PTPRK: variants seen among roughly 807,000 people sequenced by gnomAD.
The protein encoded by PTPRK is receptor-type tyrosine-protein phosphatase kappa.
A neutral mutation model predicts 178.0 loss-of-function variants in PTPRK; 75 were observed. The observed-to-expected ratio is 0.42, with a 90% CI of 0.35 to 0.51. The LOEUF (loss-of-function observed/expected upper bound fraction) is 0.51, where lower values mean the gene tolerates loss of function less well. Ranked by LOEUF, PTPRK falls within the 20% of genes least tolerant of loss-of-function variation. PTPRK has a pLI of 0.02. For synonymous variants in PTPRK, 637 were observed against 620.6 expected (o/e 1.03, Z -0.39); for missense variants, 1,441 against 1,797.8 (o/e 0.80, Z 3.59).
chr6:127,989,745 G>C (rs2114656145), intron 21 of PTPRK, among the ~76,000 whole-genome samples: 1 of 151,300 alleles, frequency 6.6e-6, no homozygotes, highest in South Asian at 2.1e-4. Context: ...GGACAAAATG[G>C]TATATAAGTA....
intron 3 of PTPRK, among the ~76,000 whole-genome samples, chr6:128,307,358 T>C (rs1356304099): frequency 2.0e-5 from 3 of 150,790 alleles, no homozygotes; most frequent in African/African-American, 4.9e-5. Flanking sequence ...AATATTTAAA[T>C]TGGAAAGGCA....
chr6:128,149,314 T>C (rs1796938217), intron 7 of PTPRK, among the ~76,000 whole-genome samples: 1 of 151,610 alleles, frequency 6.6e-6, no homozygotes, highest in African/African-American at 2.4e-5. Flanking sequence ...ATAATAATAA[T>C]AAAGAAAATA....
In PTPRK at chr6:128,122,854, C is replaced by T. The variant is rs558733018; in HGVS notation, c.1163-32862G>A. 4.6e-5 allele frequency among the ~76,000 whole-genome samples: 7 copies of T among 152,180 alleles called. 1 individual carries two copies. Among genetic ancestry groups the T allele is most frequent in the African/African-American group, 1.7e-4 (7 of 41,532 alleles). Reference sequence around the variant, plus strand: ...TAACACTTGGCAGACTAATAATATACTCAATTGTACTGTAGATTATTTTTC... The same window carrying T: ...TAACACTTGGCAGACTAATAATATATTCAATTGTACTGTAGATTATTTTTC... On this transcript the variant is annotated intron_variant, in intron 7 of 29. Transcript: ENST00000368226.
At chr6:128,358,427 T>C (rs887195860) in intron 2 of PTPRK, among the ~76,000 whole-genome samples, 10 of 152,188 alleles carry the variant, frequency 6.6e-5, no homozygotes, top group Admixed American at 5.2e-4. Flanking sequence ...AACCCAACAG[T>C]GTGCAGCTGA....
chr6:127,976,554 G>C, intron 27 of PTPRK, 103 bp downstream of exon 27: 1 of 1,356,250 alleles, frequency 7.4e-7, no homozygotes, highest in Non-Finnish European at 1.0e-6. Flanking sequence ...ATGATATAGT[G>C]CTTATTAATT....
rs1327770812 is a variant in PTPRK, at chr6:128,183,112, A to G, written c.1162+1320T>C. Among the ~76,000 whole-genome samples the G allele has an allele frequency of 6.6e-5, 10 of 152,140 alleles. No individual in the cohort carries two copies. The East Asian group carries it at 1.3e-3, about 20-fold the overall frequency. On this transcript the variant is annotated intron_variant, in intron 7 of 29. Coordinates refer to ENST00000368226, the MANE Select transcript of PTPRK (RefSeq NM_002844.4). ...TTAGTAAAATGGACTCCATAGTTCA[A>G]TTTTTCACATTAGCATGGGATATTA... is the stretch of plus-strand genomic sequence containing the variant.
At chr6:128,067,850 A>G in intron 11 of PTPRK, 58 bp from the exon 12 acceptor site, 1 of 1,413,700 alleles carries the variant, frequency 7.1e-7, no homozygotes, top group South Asian at 1.8e-5. Flanking sequence ...TAGAGATTTA[A>G]GATACTAAGA....
chr6:128,222,464 T>C (rs1375189662), intron 5 of PTPRK, among the ~76,000 whole-genome samples: 3 of 152,106 alleles, frequency 2.0e-5, no homozygotes, highest in African/African-American at 7.2e-5. Context: ...CAGACCAAAT[T>C]ATCCTCCCTA....
At chr6:128,472,484 T>A (rs1189171828) in intron 1 of PTPRK, among the ~76,000 whole-genome samples, 3 of 150,398 alleles carry the variant, frequency 2.0e-5, no homozygotes, top group African/African-American at 7.3e-5. Flanking sequence ...TTTGAAATAA[T>A]TTCAAACTTA....
intron 1 of PTPRK, among the ~76,000 whole-genome samples, chr6:128,479,098 T>C (rs539659102): frequency 6.6e-6 from 1 of 152,160 alleles, no homozygotes; most frequent in South Asian, 2.1e-4. Context: ...GCTGGTATTG[T>C]TCCAGTTGAA....
intron 7 of PTPRK, among the ~76,000 whole-genome samples, chr6:128,135,285 G>A (rs530235471): frequency 7.9e-5 from 12 of 152,220 alleles, no homozygotes; most frequent in Admixed American, 5.9e-4. Context: ...TTGAACTACT[G>A]TTGAACTATG....
At chr6:128,314,582 G>T (rs1484632474) in intron 3 of PTPRK, among the ~76,000 whole-genome samples, 1 of 152,022 alleles carries the variant, frequency 6.6e-6, no homozygotes, top group African/African-American at 2.4e-5. Context: ...GCTCTAGTTG[G>T]TGTCTGTTAT....
chr6:128,082,701 C>T lies in PTPRK; in HGVS notation c.1576-63G>A, dbSNP rs1785035966. ...CATCATAAGAAACTGTAAATAAACT[C>T]TGTATAAATAAGGTAGTATGCAAGG... On this transcript the variant is annotated intron_variant, in intron 9 of 29. Coordinates refer to ENST00000368226, the MANE Select transcript of PTPRK (RefSeq NM_002844.4). 34 of 1,297,728 alleles carry T rather than the reference C, an allele frequency of 2.6e-5. No homozygotes were observed. In the South Asian group the frequency reaches 3.8e-4, roughly 14 times the overall value. The allele number at this position is 1,297,728 out of a possible 1,614,324, so 80.4% of individuals were successfully genotyped here.
chr6:128,232,578 C>T (rs1369544814), intron 5 of PTPRK, among the ~76,000 whole-genome samples: 1 of 152,148 alleles, frequency 6.6e-6, no homozygotes, highest in East Asian at 1.9e-4. Context: ...TCACCATAAG[C>T]TTCAAATCAT....
chr6:128,181,406 A>G (rs953379146), intron 7 of PTPRK, among the ~76,000 whole-genome samples: 4 of 152,106 alleles, frequency 2.6e-5, no homozygotes, highest in African/African-American at 9.7e-5. Context: ...AAAATTATCA[A>G]CATTTATTCA....
intron 3 of PTPRK, among the ~76,000 whole-genome samples, chr6:128,287,024 A>G (rs997758058): frequency 6.6e-6 from 1 of 152,114 alleles, no homozygotes; most frequent in African/African-American, 2.4e-5. Context: ...TACCTGATAT[A>G]TATTCCAATT....
At chr6:128,326,440 G>T (rs1242892624) in intron 2 of PTPRK, among the ~76,000 whole-genome samples, 2 of 151,910 alleles carry the variant, frequency 1.3e-5, no homozygotes, top group Admixed American at 6.6e-5. Context: ...TTAAAACAGA[G>T]AAAAATTAAG....
intron 13 of PTPRK, among the ~76,000 whole-genome samples, chr6:128,016,828 C>T (rs1460758485): frequency 2.1e-5 from 3 of 141,830 alleles, no homozygotes; most frequent in Non-Finnish European, 4.7e-5. Context: ...GTTACCTGTG[C>T]ATAACTTTTG....
chr6:128,264,693 A>G (rs1326471145), intron 3 of PTPRK, among the ~76,000 whole-genome samples: 1 of 152,060 alleles, frequency 6.6e-6, no homozygotes, highest in Non-Finnish European at 1.5e-5. Flanking sequence ...TTTGATCCCC[A>G]TAAAACACTT....
Sources: allele counts gnomAD v4.1 joint callset (sites outside exome capture counted in the v4.1 genomes callset), GRCh38; gene constraint gnomAD v4.1.1; transcripts MANE v1.5; gene names NCBI Gene and HGNC (gene_info 2026-07-23, HGNC 2026-07-21).